ZNF81: variants seen among roughly 807,000 people sequenced by gnomAD.
ZNF81 encodes zinc finger protein 81.
ZNF81 carries 5 observed loss-of-function variants against 32.3 expected under a neutral mutation model. The observed-to-expected ratio is 0.15, with a 90% confidence interval of 0.08 to 0.33. The LOEUF is 0.33. Ranked by LOEUF, ZNF81 falls within the 10% of genes least tolerant of loss-of-function variation. The probability of loss-of-function intolerance (pLI) is 1.00; values close to 1 mark genes in which losing one functional copy is unlikely to be tolerated. For synonymous variants in ZNF81, 163 were observed against 166.8 expected (o/e 0.98, Z 0.17); for missense variants, 379 against 479.8 (o/e 0.79, Z 1.96).
Position 47,915,275 on chromosome X carries a change from A to G in ZNF81, c.629A>G (p.Lys210Arg). ...AATTTAGACTTACATATTCATAATAAAAGCAATGCAGCAAAGAACCTGGAT... is the reference window on the plus strand; with the variant it reads ...AATTTAGACTTACATATTCATAATAGAAGCAATGCAGCAAAGAACCTGGAT... ...KHNLDLHIHN[K>R]SNAAKNLDKT... is the part of the protein sequence containing the mutation. Residue 210 changes from lysine to arginine, a missense_variant, in exon 5 of 5, where the codon AAA becomes AGA. Transcript: ENST00000338637. 1 of 1,211,639 alleles carries G rather than the reference A, an allele frequency of 8.3e-7. No homozygotes were observed.
intron 4 of ZNF81, among the ~76,000 whole-genome samples, chrX:47,904,276 A>C (rs1456820580): frequency 9.1e-6 from 1 of 109,553 alleles, no homozygotes; most frequent in African/African-American, 3.3e-5. Flanking sequence ...TGAACAGGCA[A>C]CCTACAAAAT....
At chrX:47,874,955 A>C (rs1330785631) in intron 2 of ZNF81, among the ~76,000 whole-genome samples, 1 of 111,440 alleles carries the variant, frequency 9.0e-6, no homozygotes. Flanking sequence ...CAAACCTCAC[A>C]CAGGGCAGAT....
intron 2 of ZNF81, among the ~76,000 whole-genome samples, chrX:47,850,891 GCACA>G (rs782209480): frequency 0.016 from 859 of 53,315 alleles, 9 homozygotes; most frequent in South Asian, 0.069. Flanking sequence ...AGGCACGCGC[GCACA>G]CACACACACA....
At chrX:47,883,553 C>G (rs1341660073) in intron 2 of ZNF81, among the ~76,000 whole-genome samples, 1 of 111,931 alleles carries the variant, frequency 8.9e-6, no homozygotes, top group Non-Finnish European at 1.9e-5. Flanking sequence ...GGTCTATAAT[C>G]TAGCTCAAGT....
chrX:47,848,703 A>G (rs986291846), intron 2 of ZNF81, among the ~76,000 whole-genome samples: 1 of 109,947 alleles, frequency 9.1e-6, no homozygotes, highest in Non-Finnish European at 1.9e-5. Context: ...CTTTTTGAGC[A>G]CTGACATGAC....
At chrX:47,894,948 A>C (rs1556886973) in intron 3 of ZNF81, among the ~76,000 whole-genome samples, 1 of 111,716 alleles carries the variant, frequency 9.0e-6, no homozygotes. Context: ...TCCATAACTT[A>C]TTTGGATGAA....
At chrX:47,909,607 C>CT (rs782230334) in intron 4 of ZNF81, among the ~76,000 whole-genome samples, 4 of 103,723 alleles carry the variant, frequency 3.9e-5, no homozygotes, top group African/African-American at 1.1e-4. Flanking sequence ...TTTTCTTTTT[C>CT]TTTTTTTTTA....
At position 47,922,819 on chromosome X, in the gene ZNF81, C is replaced by G. The variant is rs569377808; in HGVS notation, c.*6187C>G. Among the ~76,000 whole-genome samples, 14 of 111,791 alleles carry G rather than the reference C, an allele frequency of 1.3e-4. No homozygotes were observed. The South Asian group carries it at 4.9e-3, about 39-fold the overall frequency. On this transcript the variant is annotated 3_prime_UTR_variant, in exon 5 of 5. Transcript: ENST00000338637. ...CACGGTGTCAGCAGGGTCATGCTCC[C>G]TCTGAAGGTGCTAGGGAAGGAACGG...
At chrX:47,841,304 C>G in intron 1 of ZNF81, 1 of 633,206 alleles carries the variant, frequency 1.6e-6, no homozygotes. Context: ...TAAGGTTCCA[C>G]TATATGCAGC....
rs1179562714 is a variant in ZNF81 at position 47,886,516 on chromosome X, T to C, written c.55-1483T>C. ...GCCTTTCTGGATTCCCCCTTGATTT[T>C]CCAATGGTAGTGATGACTGCAGAAC... On this transcript the variant is annotated intron_variant, in intron 2 of 4. Coordinates refer to ENST00000338637, the MANE Select transcript of ZNF81 (RefSeq NM_007137.5). Among the ~76,000 whole-genome samples, 5 of 111,149 alleles carry C rather than the reference T, an allele frequency of 4.5e-5. No homozygotes were observed. The Admixed American group carries it at 4.8e-4, about 11-fold the overall frequency.
chrX:47,860,998 A>G (rs2058538292), intron 2 of ZNF81: 1 of 112,329 alleles, frequency 8.9e-6, no homozygotes, highest in African/African-American at 3.2e-5. Context: ...CTGGCTGTTC[A>G]TCTGTGTCTT....
At chrX:47,865,990 GTA>G (rs1244388663) in intron 2 of ZNF81, among the ~76,000 whole-genome samples, 1 of 112,157 alleles carries the variant, frequency 8.9e-6, no homozygotes, top group Non-Finnish European at 1.9e-5. Flanking sequence ...ACATCAGAGG[GTA>G]GAGGTGGTCA....
intron 1 of ZNF81, chrX:47,841,075 T>G: frequency 1.2e-6 from 1 of 855,646 alleles, no homozygotes. Context: ...CACTGACAGG[T>G]GGAAAGGGCT....
At chrX:47,847,582 G>A (rs1157642600) in intron 2 of ZNF81, among the ~76,000 whole-genome samples, 1 of 111,815 alleles carries the variant, frequency 8.9e-6, no homozygotes, top group Non-Finnish European at 1.9e-5. Flanking sequence ...TTGATACAGA[G>A]CTGTTACCTT....
At chrX:47,874,601 C>G (rs1391518366) in intron 2 of ZNF81, among the ~76,000 whole-genome samples, 8 of 112,127 alleles carry the variant, frequency 7.1e-5, no homozygotes, top group African/African-American at 2.6e-4. Context: ...TTGTGTAGGT[C>G]TGGGGTAGCT....
intron 2 of ZNF81, among the ~76,000 whole-genome samples, chrX:47,864,520 G>A (rs782255982): frequency 1.8e-5 from 2 of 111,950 alleles, no homozygotes; most frequent in East Asian, 5.6e-4. Flanking sequence ...CACGTCATGT[G>A]ATGTGACCTT....
chrX:47,853,976 T>C (rs908755683), intron 2 of ZNF81, among the ~76,000 whole-genome samples: 12 of 112,806 alleles, frequency 1.1e-4, no homozygotes, highest in African/African-American at 3.9e-4. Context: ...AAGTCCTAGC[T>C]GGCATGTTCT....
rs2058780869 is a variant in ZNF81, at chrX:47,922,680, G to T, written c.*6048G>T. 9.0e-6 allele frequency among the ~76,000 whole-genome samples: 1 copy of T among 111,464 alleles called. No individual in the cohort carries two copies. The highest frequency in any genetic ancestry group is 3.3e-5 in the African/African-American group (1 of 30,593). ...GATGTACACACTACCACCTATCATA[G>T]ATTTGACTAAGAAGCATATTTCTTT... On this transcript the variant is annotated 3_prime_UTR_variant, in exon 5 of 5. Coordinates refer to ENST00000338637, the MANE Select transcript of ZNF81 (RefSeq NM_007137.5).
chrX:47,850,375 A>T (rs1303897026), intron 2 of ZNF81, among the ~76,000 whole-genome samples: 1 of 109,560 alleles, frequency 9.1e-6, no homozygotes, highest in Non-Finnish European at 1.9e-5. Flanking sequence ...AGAAAGAAAA[A>T]TTTTAAAAAT....
Sources: gnomAD v4.1 joint callset for allele counts (sites outside exome capture counted in the v4.1 genomes callset) on GRCh38, gnomAD v4.1.1 for gene constraint, MANE v1.5 for transcripts, NCBI Gene and HGNC (gene_info 2026-07-23, HGNC 2026-07-21) for gene names.